Variants in CLIP1 observed in about 807,000 individuals in gnomAD.
CLIP1 encodes CAP-Gly domain containing linker protein 1.
In CLIP1, 66 loss-of-function variants were observed where a neutral mutation model predicts 161.6. That is an observed-to-expected ratio of 0.41 (90% confidence interval 0.33 to 0.50). CLIP1 has a LOEUF of 0.50. CLIP1 is among the 20% of genes least tolerant of loss of function. The probability of loss-of-function intolerance (pLI) is 0.27; values close to 1 mark genes in which losing one functional copy is unlikely to be tolerated. For missense variants in CLIP1, 1,376 were observed against 1,702.0 expected (o/e 0.81, Z 3.37); for synonymous variants, 598 against 626.2 (o/e 0.96, Z 0.67).
intron 1 of CLIP1, among the ~76,000 whole-genome samples, chr12:122,389,576 T>C (rs1488592843): frequency 1.3e-5 from 2 of 151,792 alleles, no homozygotes; most frequent in African/African-American, 4.8e-5. Context: ...CTGGCCAACA[T>C]GGCGAAACCC....
intron 20 of CLIP1, among the ~76,000 whole-genome samples, chr12:122,296,207 G>A (rs1593002299): frequency 1.3e-5 from 2 of 152,308 alleles, no homozygotes; most frequent in East Asian, 3.8e-4. Context: ...GAGTGAGAAT[G>A]AACTGACTAT....
At chr12:122,343,684 T>G (rs1952614608) in intron 10 of CLIP1, 1 of 152,210 alleles carries the variant, frequency 6.6e-6, no homozygotes, top group South Asian at 2.1e-4. Flanking sequence ...AGCTCCGGGA[T>G]AGTACCCAAG....
At chr12:122,310,584 G>A (rs1259632642) in intron 19 of CLIP1, among the ~76,000 whole-genome samples, 1 of 152,152 alleles carries the variant, frequency 6.6e-6, no homozygotes, top group African/African-American at 2.4e-5. Flanking sequence ...AACAGGATAG[G>A]TATATTTATT....
At chr12:122,408,109 A>ACCT (rs927323099) in intron 1 of CLIP1, among the ~76,000 whole-genome samples, 1 of 151,596 alleles carries the variant, frequency 6.6e-6, no homozygotes, top group African/African-American at 2.4e-5. Context: ...GGTGGCGGGC[A>ACCT]CCTGTAATCC....
chr12:122,331,757 G>A (rs34877869), intron 15 of CLIP1, among the ~76,000 whole-genome samples: 1 of 152,012 alleles, frequency 6.6e-6, no homozygotes, highest in African/African-American at 2.4e-5. Context: ...CACTTTGGGC[G>A]GCCAAGGCGG....
intron 20 of CLIP1, among the ~76,000 whole-genome samples, chr12:122,305,065 C>G (rs978818353): frequency 2.0e-5 from 3 of 152,108 alleles, no homozygotes; most frequent in Non-Finnish European, 4.4e-5. Flanking sequence ...TCATTTAATC[C>G]CTGTCCGGTT....
At position 122,377,412 on chromosome 12, in the gene CLIP1, GCTCT is replaced by G. The variant is rs1954793286; in HGVS notation, c.630_633del (p.Arg210SerfsTer17). 4.3e-6 allele frequency: 7 copies of G among 1,613,716 alleles called. No individual in the cohort carries two copies. Among genetic ancestry groups the G allele is most frequent in the Non-Finnish European group, 5.9e-6 (7 of 1,179,858 alleles). On this transcript the variant is annotated frameshift_variant, in exon 3 of 26. Coordinates refer to ENST00000620786, the MANE Select transcript of CLIP1 (RefSeq NM_001247997.2). LOFTEE classifies it high-confidence loss of function. The stretch of plus-strand genomic sequence containing the variant: ...ACCAATACTCTGTCTCCGATTTTGA[GCTCT>G]CTTTCTCCTTTCTTGATTGAGCCAG...
chr12:122,320,835 G>A (rs997301540), intron 17 of CLIP1, among the ~76,000 whole-genome samples: 3 of 150,966 alleles, frequency 2.0e-5, no homozygotes, highest in Non-Finnish European at 4.4e-5. Flanking sequence ...TCAGCCTCCT[G>A]AGTAGCTGGA....
chr12:122,344,611 G>A (rs182920393), intron 10 of CLIP1, among the ~76,000 whole-genome samples: 50 of 152,252 alleles, frequency 3.3e-4, no homozygotes, highest in African/African-American at 1.2e-3. Context: ...TTTACTTTCC[G>A]TGGCATTTCC....
intron 17 of CLIP1, chr12:122,322,850 A>G (rs1951565282): frequency 6.5e-6 from 1 of 152,728 alleles, no homozygotes; most frequent in South Asian, 2.1e-4. Context: ...ACACGTGTTA[A>G]GTTGAGCATC....
chr12:122,388,047 T>C (rs1955401494), intron 1 of CLIP1, among the ~76,000 whole-genome samples: 1 of 152,160 alleles, frequency 6.6e-6, no homozygotes, highest in Non-Finnish European at 1.5e-5. Context: ...CAGTTCAAAC[T>C]TGTGTTATTC....
At chr12:122,392,693 G>C (rs896833779) in intron 1 of CLIP1, among the ~76,000 whole-genome samples, 4 of 152,196 alleles carry the variant, frequency 2.6e-5, no homozygotes, top group Non-Finnish European at 4.4e-5. Context: ...TTCCGTGAAA[G>C]AGATCTTGCA....
chr12:122,413,222 G>T (rs1956605619), intron 1 of CLIP1, among the ~76,000 whole-genome samples: 1 of 152,154 alleles, frequency 6.6e-6, no homozygotes, highest in South Asian at 2.1e-4. Flanking sequence ...TTGATTAAAA[G>T]ATTTTCAGGA....
chr12:122,355,057 CG>C lies in CLIP1; in HGVS notation c.1203+57del, dbSNP rs1485547918. On this transcript the variant is annotated intron_variant, in intron 6 of 25. Transcript: ENST00000620786. The surrounding 1 kb of genome is among the most constrained non-coding windows in gnomAD (Gnocchi z 4.1). ...GGTGCCAAGCACCGGGCATGCTTCT[CG>C]GCTCCTCAGTGGCTTTAGAAACCAT... The C allele has an allele frequency of 4.6e-6, 7 of 1,510,934 alleles. No homozygotes were observed. Among genetic ancestry groups the C allele is most frequent in the Non-Finnish European group, 6.4e-6 (7 of 1,095,356 alleles). The allele number at this position is 1,510,934 out of a possible 1,614,324, so 93.6% of individuals were successfully genotyped here.
chr12:122,366,306 CAAA>C (rs11458072), intron 3 of CLIP1, among the ~76,000 whole-genome samples: 1 of 139,294 alleles, frequency 7.2e-6, no homozygotes, highest in Admixed American at 7.2e-5. Context: ...GACTCTGTCT[CAAA>C]AAAAAAAAAA....
intron 20 of CLIP1, among the ~76,000 whole-genome samples, chr12:122,304,685 A>G (rs1007732379): frequency 6.6e-6 from 1 of 152,210 alleles, no homozygotes; most frequent in African/African-American, 2.4e-5. Context: ...AAAAGTTTAT[A>G]GCATGAAGTT....
intron 1 of CLIP1, among the ~76,000 whole-genome samples, chr12:122,404,469 C>A (rs192799267): frequency 2.0e-5 from 3 of 152,036 alleles, no homozygotes; most frequent in African/African-American, 4.8e-5. Context: ...AGTGGTGGCA[C>A]ATTCCTGTAA....
At chr12:122,342,259 G>A (rs1952543649) in intron 10 of CLIP1, 1 of 152,188 alleles carries the variant, frequency 6.6e-6, no homozygotes, top group Non-Finnish European at 1.5e-5. Flanking sequence ...TAACTGATAA[G>A]TTAACAGAAA....
chr12:122,361,638 G>A (rs181076501), intron 4 of CLIP1, among the ~76,000 whole-genome samples: 24 of 152,274 alleles, frequency 1.6e-4, no homozygotes, highest in African/African-American at 5.5e-4. Flanking sequence ...AGGCCGAGGC[G>A]GCAGATCACT....
Sources: allele counts gnomAD v4.1 joint callset (sites outside exome capture counted in the v4.1 genomes callset), GRCh38; gene constraint gnomAD v4.1.1; non-coding constraint Gnocchi (gnomAD v3.1); transcripts MANE v1.5; gene names NCBI Gene and HGNC (gene_info 2026-07-23, HGNC 2026-07-21).